PAPSS1: variants seen among roughly 807,000 people sequenced by gnomAD.
PAPSS1 encodes the protein 3'-phosphoadenosine 5'-phosphosulfate synthase 1, also known as bifunctional 3'-phosphoadenosine 5'-phosphosulfate synthase 1.
Under a neutral mutation model 72.0 loss-of-function variants are expected in PAPSS1, and 50 were observed. The observed-to-expected ratio is 0.69, with a 90% CI of 0.55 to 0.88. The LOEUF is 0.88. Ranked by LOEUF, PAPSS1 falls within the 40% of genes least tolerant of loss-of-function variation. PAPSS1 has a pLI of 0.00. For synonymous variants in PAPSS1, 261 were observed against 263.6 expected (o/e 0.99, Z 0.09); for missense variants, 657 against 782.2 (o/e 0.84, Z 1.91).
intron 5 of PAPSS1, among the ~76,000 whole-genome samples, chr4:107,673,454 G>T (rs532819302): frequency 6.6e-6 from 1 of 152,166 alleles, no homozygotes; most frequent in Admixed American, 6.5e-5. Context: ...TGGAAGAAAG[G>T]GTATCAGTGA....
At position 107,660,022 on chromosome 4, in the gene PAPSS1, T is replaced by C; in HGVS notation, c.720A>G (p.Pro240=). The C allele has an allele frequency of 6.2e-7, 1 of 1,607,926 alleles. No homozygotes were observed. Among genetic ancestry groups the C allele is most frequent in the Non-Finnish European group, 8.5e-7 (1 of 1,176,306 alleles). Reference sequence around the variant, plus strand: ...TTTTTGCCAAATGAAGTTTATTTTCTGGCACATATAGTTCTTTTACTTCAT... The same window carrying C: ...TTTTTGCCAAATGAAGTTTATTTTCCGGCACATATAGTTCTTTTACTTCAT... ...ASYEVKELYV[P]ENKLHLAKTD... The change falls in exon 6 of 12, where the codon CCA becomes CCG. Residue 240 remains proline (P), a synonymous_variant. Coordinates refer to ENST00000265174, the MANE Select transcript of PAPSS1 (RefSeq NM_005443.5).
intron 4 of PAPSS1, among the ~76,000 whole-genome samples, chr4:107,683,261 T>TC (rs888402044): frequency 3.3e-5 from 5 of 152,208 alleles, no homozygotes; most frequent in African/African-American, 1.2e-4. Context: ...TCATTTTTTT[T>TC]CTATTTCCTA....
intron 1 of PAPSS1, among the ~76,000 whole-genome samples, chr4:107,714,535 C>G (rs189032428): frequency 6.6e-6 from 1 of 152,280 alleles, no homozygotes; most frequent in East Asian, 1.9e-4. Context: ...TGATCCATCT[C>G]AGAGTAAGAA....
chr4:107,678,922 T>C (rs1353529384), intron 5 of PAPSS1, among the ~76,000 whole-genome samples: 2 of 152,146 alleles, frequency 1.3e-5, no homozygotes, highest in African/African-American at 4.8e-5. Context: ...GAAGCAAATA[T>C]GGTCTGCCAC....
At chr4:107,694,089 A>C (rs1723007933) in intron 2 of PAPSS1, 83 bp from the exon 3 acceptor site, 2 of 1,001,184 alleles carry the variant, frequency 2.0e-6, no homozygotes, top group Non-Finnish European at 3.0e-6. Flanking sequence ...TCCCAGAAAC[A>C]AGAGTCTTGC....
At chr4:107,696,255 T>C (rs1374509487) in intron 2 of PAPSS1, among the ~76,000 whole-genome samples, 2 of 152,210 alleles carry the variant, frequency 1.3e-5, no homozygotes, top group Non-Finnish European at 2.9e-5. Context: ...ATCATTCTAC[T>C]ATAAAGATAC....
chr4:107,654,919 C>A lies in PAPSS1; in HGVS notation c.896-19G>T, dbSNP rs758020487. 2 of 1,587,394 alleles carry A rather than the reference C, an allele frequency of 1.3e-6. No homozygotes were observed. Among genetic ancestry groups the A allele is most frequent in the Admixed American group, 3.4e-5 (2 of 59,630 alleles). On this transcript the variant is annotated intron_variant, in intron 7 of 11. Transcript: ENST00000265174. ...ACACCTCCTGCAGAGCACAAAAGAACATGAAGCACACAGCTTGAATTACTC... is the reference window on the plus strand; with the variant it reads ...ACACCTCCTGCAGAGCACAAAAGAAAATGAAGCACACAGCTTGAATTACTC...
At chr4:107,695,130 A>C (rs940483257) in intron 2 of PAPSS1, among the ~76,000 whole-genome samples, 16 of 152,236 alleles carry the variant, frequency 1.1e-4, no homozygotes, top group Non-Finnish European at 4.4e-5. Flanking sequence ...ATGAGGCTGG[A>C]ATGTTTTTCC....
chr4:107,661,553 A>G (rs187208384), intron 5 of PAPSS1, among the ~76,000 whole-genome samples: 15 of 152,220 alleles, frequency 9.9e-5, no homozygotes, highest in African/African-American at 1.4e-4. Context: ...TTAAGTGAGA[A>G]CTGCTAAGTG....
At chr4:107,664,921 G>A (rs1640931173) in intron 5 of PAPSS1, among the ~76,000 whole-genome samples, 1 of 152,088 alleles carries the variant, frequency 6.6e-6, no homozygotes, top group African/African-American at 2.4e-5. Context: ...TTTTTCATTA[G>A]AAGCATTTCA....
At chr4:107,715,300 G>A (rs533212484) in intron 1 of PAPSS1, among the ~76,000 whole-genome samples, 51 of 152,318 alleles carry the variant, frequency 3.3e-4, no homozygotes, top group African/African-American at 1.2e-3. Context: ...GTTATTGGTA[G>A]AAGTTTAAGC....
At chr4:107,664,732 G>A (rs1168560651) in intron 5 of PAPSS1, among the ~76,000 whole-genome samples, 1 of 151,754 alleles carries the variant, frequency 6.6e-6, no homozygotes, top group African/African-American at 2.4e-5. Flanking sequence ...ACATGTAAAG[G>A]GCAATATCTA....
At chr4:107,644,704 C>T in intron 10 of PAPSS1, 98 bp downstream of exon 10, 1 of 1,157,182 alleles carries the variant, frequency 8.6e-7, no homozygotes, top group Non-Finnish European at 1.2e-6. Context: ...TTGGAACAGG[C>T]CTACAGAGCA....
At chr4:107,626,176 T>C (rs1384990602) in intron 11 of PAPSS1, among the ~76,000 whole-genome samples, 1 of 92,666 alleles carries the variant, frequency 1.1e-5, no homozygotes, top group African/African-American at 3.4e-5. Flanking sequence ...AGACTCTGTC[T>C]CAAAAAAAAA....
At chr4:107,690,360 T>C (rs990361460) in intron 3 of PAPSS1, among the ~76,000 whole-genome samples, 1 of 152,146 alleles carries the variant, frequency 6.6e-6, no homozygotes, top group Admixed American at 6.5e-5. Context: ...GAGCATACTA[T>C]ACTGTCTCCT....
intron 9 of PAPSS1, among the ~76,000 whole-genome samples, chr4:107,647,377 T>TGC (rs1726723262): frequency 1.3e-5 from 2 of 152,162 alleles, no homozygotes. Flanking sequence ...GATTCATTGA[T>TGC]TGAACCAATT....
chr4:107,714,488 G>T (rs1723585627), intron 1 of PAPSS1, among the ~76,000 whole-genome samples: 1 of 152,224 alleles, frequency 6.6e-6, no homozygotes, highest in East Asian at 1.9e-4. Context: ...TCAGGATTGG[G>T]GTTTTCCTGT....
At chr4:107,703,775 C>T (rs2726166) in intron 1 of PAPSS1, among the ~76,000 whole-genome samples, 6 of 152,200 alleles carry the variant, frequency 3.9e-5, no homozygotes, top group African/African-American at 1.2e-4. Context: ...TTTAAAGTTA[C>T]GTAATGTTAA....
chr4:107,623,841 C>T (rs1030851987), intron 11 of PAPSS1, among the ~76,000 whole-genome samples: 10 of 152,194 alleles, frequency 6.6e-5, no homozygotes, highest in Admixed American at 2.6e-4. Context: ...TTTCAGCATT[C>T]GCTTACTGGT....
Sources: allele counts gnomAD v4.1 joint callset (sites outside exome capture counted in the v4.1 genomes callset), GRCh38; gene constraint gnomAD v4.1.1; transcripts MANE v1.5; gene names NCBI Gene and HGNC (gene_info 2026-07-23, HGNC 2026-07-21).